SCD5: variants seen among roughly 807,000 people sequenced by gnomAD.
SCD5 encodes stearoyl-CoA desaturase 5.
In SCD5, 20 loss-of-function variants were observed where a neutral mutation model predicts 30.4. The observed-to-expected ratio is 0.66, with a 90% CI of 0.46 to 0.96. The LOEUF is 0.96. Among genes scored for constraint, SCD5 ranks in the 40% least tolerant of loss-of-function variants. The probability of loss-of-function intolerance (pLI) is 0.00; values close to 1 mark genes in which losing one functional copy is unlikely to be tolerated. For synonymous variants in SCD5, 173 were observed against 176.4 expected (o/e 0.98, Z 0.16); for missense variants, 381 against 443.3 (o/e 0.86, Z 1.26).
chr4:82,797,948 G>A (rs1380799900), intron 1 of SCD5, among the ~76,000 whole-genome samples: 1 of 152,148 alleles, frequency 6.6e-6, no homozygotes, highest in East Asian at 1.9e-4. Context: ...GCTGGGAGCC[G>A]ATTCAGCCTG....
chr4:82,743,580 G>A lies in SCD5; in HGVS notation c.233-38167C>T, dbSNP rs143654703. On this transcript the variant is annotated intron_variant, in intron 1 of 4. Transcript: ENST00000319540. The stretch of plus-strand genomic sequence containing the variant: ...ATGCCACCCAGGCTGGAGTGCAGTC[G>A]TGCAATCACGGGCTCACCGCAACTT... Among the ~76,000 whole-genome samples the A allele has an allele frequency of 6.6e-3, 1,000 of 152,124 alleles. 17 individuals carry two copies. Among genetic ancestry groups the A allele is most frequent in the African/African-American group, 0.023 (950 of 41,496 alleles).
chr4:82,650,109 A>G (rs774014973), intron 3 of SCD5, among the ~76,000 whole-genome samples: 3 of 152,168 alleles, frequency 2.0e-5, no homozygotes, highest in Non-Finnish European at 4.4e-5. Flanking sequence ...AGTGCTCTCT[A>G]TAAACTAGGT....
At chr4:82,664,542 G>T (rs1384287140) in intron 3 of SCD5, among the ~76,000 whole-genome samples, 1 of 152,132 alleles carries the variant, frequency 6.6e-6, no homozygotes, top group Middle Eastern at 3.2e-3. Context: ...GGACTTTAAA[G>T]TAACTGCAAT....
chr4:82,660,528 A>T, intron 3 of SCD5: 1 of 1,128,284 alleles, frequency 8.9e-7, no homozygotes, highest in Non-Finnish European at 1.1e-6. Flanking sequence ...AGTTAATAAC[A>T]CAAATATTTA....
chr4:82,791,125 C>T (rs1032566758), intron 1 of SCD5, among the ~76,000 whole-genome samples: 1 of 152,090 alleles, frequency 6.6e-6, no homozygotes, highest in African/African-American at 2.4e-5. Context: ...GTAGTCCCAG[C>T]TACTCAGGAG....
chr4:82,744,266 G>A (rs1183451025), intron 1 of SCD5, among the ~76,000 whole-genome samples: 1 of 152,194 alleles, frequency 6.6e-6, no homozygotes, highest in Non-Finnish European at 1.5e-5. Context: ...CTGTTCCCCA[G>A]ACGGTTACCC....
chr4:82,639,919 A>C (rs961824098), intron 3 of SCD5, among the ~76,000 whole-genome samples: 19 of 152,178 alleles, frequency 1.2e-4, no homozygotes, highest in Non-Finnish European at 1.6e-4. Flanking sequence ...CTGAAAGAAG[A>C]GGGAGAGAAA....
chr4:82,686,892 C>T (rs779706683), intron 2 of SCD5, among the ~76,000 whole-genome samples: 31 of 152,056 alleles, frequency 2.0e-4, no homozygotes, highest in Non-Finnish European at 4.0e-4. Flanking sequence ...ACTTCTTCGC[C>T]GGGCAGGGTG....
At chr4:82,665,212 G>A (rs1452700172) in intron 3 of SCD5, among the ~76,000 whole-genome samples, 1 of 132,592 alleles carries the variant, frequency 7.5e-6, no homozygotes, top group African/African-American at 2.9e-5. Context: ...ACTGAAGCCT[G>A]AGTGATGAGA....
At chr4:82,730,695 C>T (rs1396462766) in intron 1 of SCD5, among the ~76,000 whole-genome samples, 1 of 150,036 alleles carries the variant, frequency 6.7e-6, no homozygotes, top group Non-Finnish European at 1.5e-5. Flanking sequence ...ACACCATTCT[C>T]CTGCCTCAGC....
intron 1 of SCD5, among the ~76,000 whole-genome samples, chr4:82,754,557 G>A (rs114559689): frequency 2.5e-3 from 305 of 123,762 alleles, no homozygotes; most frequent in African/African-American, 6.4e-3. Context: ...CTCCTAACCC[G>A]ACAGGGAGGA....
chr4:82,662,479 G>A (rs1728034509), intron 3 of SCD5, among the ~76,000 whole-genome samples: 1 of 152,070 alleles, frequency 6.6e-6, no homozygotes, highest in Middle Eastern at 3.4e-3. Context: ...TGGCAATTCT[G>A]ATTTTAGCTA....
intron 3 of SCD5, among the ~76,000 whole-genome samples, chr4:82,648,572 C>T (rs958180015): frequency 6.6e-6 from 1 of 152,074 alleles, no homozygotes; most frequent in Non-Finnish European, 1.5e-5. Flanking sequence ...GTAGGAGTCT[C>T]GGTCTTGTCT....
At chr4:82,733,686 C>A (rs1720689939) in intron 1 of SCD5, among the ~76,000 whole-genome samples, 1 of 152,112 alleles carries the variant, frequency 6.6e-6, no homozygotes, top group Non-Finnish European at 1.5e-5. Flanking sequence ...TAAAAATTCA[C>A]AAGGGTCCCT....
Position 82,798,777 on chromosome 4 carries a change from G to C in SCD5, c.-240C>G, listed in dbSNP as rs1043967077. 8.5e-6 allele frequency: 4 copies of C among 471,020 alleles called. No homozygotes were observed. The highest frequency in any genetic ancestry group is 3.8e-5 in the East Asian group (1 of 26,578). 29.2% of individuals were successfully genotyped at this position (471,020 alleles called of 1,614,324 possible). On this transcript the variant is annotated 5_prime_UTR_variant, in exon 1 of 5. Transcript: ENST00000319540. ...TGGCGTATCCCCCATATGGCTGCCC[G>C]GGCTGAACTCGGCCGCGAGAAAGAG...
chr4:82,791,703 T>A (rs933549655), intron 1 of SCD5, among the ~76,000 whole-genome samples: 3 of 151,948 alleles, frequency 2.0e-5, no homozygotes, highest in Non-Finnish European at 4.4e-5. Context: ...CAAAGAAACA[T>A]GGGACAGAGG....
At chr4:82,739,544 G>A (rs909729789) in intron 1 of SCD5, among the ~76,000 whole-genome samples, 1 of 152,254 alleles carries the variant, frequency 6.6e-6, no homozygotes, top group Non-Finnish European at 1.5e-5. Flanking sequence ...CCGCCTGCTG[G>A]TTGTGTGCGG....
intron 3 of SCD5, among the ~76,000 whole-genome samples, chr4:82,654,485 G>C (rs10005438): frequency 0.55 from 84,405 of 152,124 alleles, 24,511 homozygotes; most frequent in Admixed American, 0.68. Context: ...CCCAGGAAGG[G>C]AGCTAGCCTA....
chr4:82,675,351 C>T (rs1179382604), intron 3 of SCD5, among the ~76,000 whole-genome samples: 1 of 152,032 alleles, frequency 6.6e-6, no homozygotes, highest in Non-Finnish European at 1.5e-5. Flanking sequence ...ATGTGATGCT[C>T]ATTCTTGGGA....
Sources: gnomAD v4.1 joint callset for allele counts (sites outside exome capture counted in the v4.1 genomes callset) on GRCh38, gnomAD v4.1.1 for gene constraint, MANE v1.5 for transcripts, NCBI Gene and HGNC (gene_info 2026-07-23, HGNC 2026-07-21) for gene names.